FGD4: variants seen among roughly 807,000 people sequenced by gnomAD.
FGD4 encodes FYVE, RhoGEF and PH domain-containing protein 4.
FGD4 carries 42 observed loss-of-function variants against 102.0 expected under a neutral mutation model. That is an observed-to-expected ratio of 0.41 (90% CI 0.32 to 0.53). FGD4 has a LOEUF of 0.53. FGD4 is among the 20% of genes least tolerant of loss of function. The pLI is 0.21. For synonymous variants in FGD4, 380 were observed against 375.7 expected (o/e 1.01, Z -0.13); for missense variants, 902 against 1,078.2 (o/e 0.84, Z 2.29).
intron 1 of FGD4, among the ~76,000 whole-genome samples, chr12:32,453,200 T>TTATATATATATATATATATATATATATA (rs1209887127): frequency 1.5e-5 from 1 of 64,590 alleles, no homozygotes; most frequent in African/African-American, 5.0e-5. Context: ...TATATATATA[T>TTATATATATATATATATATATATATATA]TATATATATA....
At chr12:32,490,399 C>CT (rs3077004) in intron 1 of FGD4, among the ~76,000 whole-genome samples, 28,355 of 130,848 alleles carry the variant, frequency 0.22, 3,346 homozygotes, top group East Asian at 0.28. Context: ...TTTTATCAGT[C>CT]TTTTTTTTTT....
chr12:32,552,058 T>G (rs944550531), intron 1 of FGD4, among the ~76,000 whole-genome samples: 1 of 152,174 alleles, frequency 6.6e-6, no homozygotes, highest in Non-Finnish European at 1.5e-5. Context: ...GGAAACAATT[T>G]TCAGATAAAG....
chr12:32,469,489 C>T (rs1943357511), intron 1 of FGD4, among the ~76,000 whole-genome samples: 1 of 151,930 alleles, frequency 6.6e-6, no homozygotes, highest in Non-Finnish European at 1.5e-5. Flanking sequence ...CCATGTTAGC[C>T]AGGCTGGTCT....
intron 1 of FGD4, among the ~76,000 whole-genome samples, chr12:32,446,257 C>G (rs557241218): frequency 6.6e-6 from 1 of 152,112 alleles, no homozygotes; most frequent in East Asian, 1.9e-4. Flanking sequence ...AAAGTAATGT[C>G]TTTTTTTTAA....
intron 14 of FGD4, among the ~76,000 whole-genome samples, chr12:32,630,772 C>T (rs1592476481): frequency 6.6e-6 from 1 of 150,810 alleles, no homozygotes; most frequent in African/African-American, 2.5e-5. Flanking sequence ...GCCGAGATCG[C>T]GCCACTGCAC....
chr12:32,451,351 T>G (rs1338902147), intron 1 of FGD4, among the ~76,000 whole-genome samples: 1 of 152,180 alleles, frequency 6.6e-6, no homozygotes, highest in Admixed American at 6.5e-5. Context: ...GCCATATGTT[T>G]CTACAACAAC....
intron 1 of FGD4, among the ~76,000 whole-genome samples, chr12:32,437,667 C>T (rs1942280562): frequency 2.0e-5 from 3 of 152,142 alleles, no homozygotes; most frequent in African/African-American, 7.2e-5. Flanking sequence ...TTCCCTGTTA[C>T]TCTTTGGATG....
intron 1 of FGD4, among the ~76,000 whole-genome samples, chr12:32,554,256 CT>C (rs915334668): frequency 1.1e-4 from 16 of 151,308 alleles, no homozygotes; most frequent in African/African-American, 2.7e-4. Context: ...TAGCTTTTAA[CT>C]TTTTTTTTGT....
chr12:32,496,633 T>A (rs544576996), intron 1 of FGD4, among the ~76,000 whole-genome samples: 2 of 152,246 alleles, frequency 1.3e-5, no homozygotes, highest in Non-Finnish European at 2.9e-5. Flanking sequence ...TATTTTAGAT[T>A]TGTTAATGTA....
At chr12:32,639,299 GAT>G (rs1951028635) in intron 16 of FGD4, among the ~76,000 whole-genome samples, 1 of 151,968 alleles carries the variant, frequency 6.6e-6, no homozygotes, top group Non-Finnish European at 1.5e-5. Flanking sequence ...GAGTAGCTGG[GAT>G]TACATGTACC....
intron 1 of FGD4, among the ~76,000 whole-genome samples, chr12:32,483,325 TCA>T (rs1943812623): frequency 6.6e-6 from 1 of 152,136 alleles, no homozygotes; most frequent in South Asian, 2.1e-4. Context: ...AATAGCACAA[TCA>T]CACATCTATG....
intron 1 of FGD4, among the ~76,000 whole-genome samples, chr12:32,493,594 G>A (rs1234931730): frequency 6.6e-6 from 1 of 152,196 alleles, no homozygotes; most frequent in Non-Finnish European, 1.5e-5. Context: ...ACCAACAGTG[G>A]TGTAGCCCAG....
intron 11 of FGD4, among the ~76,000 whole-genome samples, chr12:32,620,523 T>TCTTTCTTTCTTTC (rs559903911): frequency 1.6e-5 from 1 of 63,672 alleles, no homozygotes; most frequent in African/African-American, 7.5e-5. Flanking sequence ...TTTCTTTCTT[T>TCTTTCTTTCTTTC]TTTTTTTTTT....
rs1284863340 is a variant in FGD4, at chr12:32,399,869, G to C, written c.76G>C (p.Gly26Arg). Residue 26 changes from glycine to arginine, a missense_variant, in exon 1 of 17, where the codon GGG (glycine) becomes CGG (arginine). By Grantham distance (125) the Gly-to-Arg change is moderately radical. This residue lies in a region of FGD4 where 443 missense variants were observed against 459.2 expected (regional missense o/e 0.96). Transcript: ENST00000534526. ...GTCCAACCCCTCCTACCTGCCGCCC[G>C]GGGTGCCCCGGCCCTGGAGCAGGCC... Reference protein sequence around the residue: ...RKSNPSYLPPGVPRPWSRPAS... With the variant: ...RKSNPSYLPPRVPRPWSRPAS... The C allele has an allele frequency of 6.5e-7, 1 of 1,531,086 alleles. No homozygotes were observed. The highest frequency in any genetic ancestry group is 8.7e-7 in the Non-Finnish European group (1 of 1,145,130). 94.8% of individuals were successfully genotyped at this position (1,531,086 alleles called of 1,614,324 possible).
At chr12:32,545,735 C>G (rs989741007) in intron 1 of FGD4, among the ~76,000 whole-genome samples, 2 of 152,196 alleles carry the variant, frequency 1.3e-5, no homozygotes, top group African/African-American at 4.8e-5. Context: ...GGTACTGTTA[C>G]AGTGGCCTCT....
chr12:32,521,262 G>A (rs988293994), intron 1 of FGD4, among the ~76,000 whole-genome samples: 1 of 151,446 alleles, frequency 6.6e-6, no homozygotes, highest in Admixed American at 6.6e-5. Flanking sequence ...TCTAATTCCA[G>A]CTACTCGGGA....
intron 1 of FGD4, among the ~76,000 whole-genome samples, chr12:32,552,135 CAGAA>C (rs1351780462): frequency 6.6e-6 from 1 of 152,214 alleles, no homozygotes; most frequent in African/African-American, 2.4e-5. Context: ...TGTAAGCAGG[CAGAA>C]AGAGACACAT....
chr12:32,454,015 G>C (rs1436531451), intron 1 of FGD4, among the ~76,000 whole-genome samples: 1 of 151,916 alleles, frequency 6.6e-6, no homozygotes, highest in Non-Finnish European at 1.5e-5. Context: ...CTCGATTTCT[G>C]TGAGTGTTTA....
intron 1 of FGD4, among the ~76,000 whole-genome samples, chr12:32,550,260 T>C (rs191541214): frequency 6.6e-6 from 1 of 152,326 alleles, no homozygotes; most frequent in Admixed American, 6.5e-5. Context: ...AGTAAAAGCA[T>C]GATAGGTTTT....
Sources: gnomAD v4.1 joint callset for allele counts (sites outside exome capture counted in the v4.1 genomes callset) on GRCh38, gnomAD v4.1.1 for gene constraint, gnomAD v4.1.1 regional missense constraint, MANE v1.5 for transcripts, NCBI Gene and HGNC (gene_info 2026-07-23, HGNC 2026-07-21) for gene names.